Variants in PPIF observed in about 807,000 individuals in gnomAD.
PPIF encodes peptidyl-prolyl cis-trans isomerase F, mitochondrial.
Under a neutral mutation model 20.2 loss-of-function variants are expected in PPIF, and 23 were observed. The ratio of observed to expected loss-of-function variants is 1.14; its 90% CI spans 0.82 to 1.61. The LOEUF is 1.61. Among genes scored for constraint, PPIF ranks in the 40% most tolerant of loss-of-function variants. PPIF has a pLI of 0.00. For synonymous variants in PPIF, 113 were observed against 123.1 expected, an observed-to-expected ratio of 0.92 and a Z score of 0.54; for missense variants, 287 against 291.6, an observed-to-expected ratio of 0.98 and a Z score of 0.11.
chr10:79,349,046 T>C (rs1855940930), intron 1 of PPIF, 30 bp from the exon 2 acceptor site: 1 of 1,613,656 alleles, frequency 6.2e-7, no homozygotes. Flanking sequence ...CCAATGACCA[T>C]CCTCTTTTGT....
In PPIF at chr10:79,353,959, G is replaced by A. The variant is rs1856016523; in HGVS notation, c.*117G>A. Reference sequence around the variant, plus strand: ...TACGTGTGCCCACTCCACTGTCACAGTGTGCCTGAGGAAGGCTGCTAGGGA... The same window carrying A: ...TACGTGTGCCCACTCCACTGTCACAATGTGCCTGAGGAAGGCTGCTAGGGA... On this transcript the variant is annotated 3_prime_UTR_variant, in exon 6 of 6. Transcript: ENST00000225174. The A allele has an allele frequency of 2.5e-6, 3 of 1,193,104 alleles. No individual in the cohort carries two copies. The highest frequency in any genetic ancestry group is 1.5e-5 in the South Asian group (1 of 68,554). The allele number at this position is 1,193,104 out of a possible 1,614,324, so 73.9% of individuals were successfully genotyped here. A position where few individuals can be genotyped will look rare whatever the true frequency, so the allele number is the denominator to read the frequency against.
In PPIF at chr10:79,354,069, A is replaced by G. The variant is rs763133711; in HGVS notation, c.*227A>G. On this transcript the variant is annotated 3_prime_UTR_variant, in exon 6 of 6. Coordinates refer to ENST00000225174, the MANE Select transcript of PPIF (RefSeq NM_005729.4). ...CTCATTTCTGGGCATCTTTGTGGAC[A>G]TGATGTCACCCACCCCTTGTCAAGC... is the stretch of plus-strand genomic sequence containing the variant. 3 of 557,258 alleles carry G rather than the reference A, an allele frequency of 5.4e-6. No homozygotes were observed. Among genetic ancestry groups the G allele is most frequent in the Non-Finnish European group, 9.6e-6 (3 of 311,880 alleles). 34.5% of individuals were successfully genotyped at this position (557,258 alleles called of 1,614,324 possible).
At chr10:79,353,586 G>GGTGGT in intron 5 of PPIF, 121 bp from the exon 6 acceptor site, 4 of 1,554,180 alleles carry the variant, frequency 2.6e-6, no homozygotes, top group East Asian at 4.5e-5. Context: ...GGTAGATCTA[G>GGTGGT]CTATTCCATG....
At chr10:79,353,594 A>G (rs2233722) in intron 5 of PPIF, 113 bp from the exon 6 acceptor site, 13 of 1,572,560 alleles carry the variant, frequency 8.3e-6, no homozygotes, top group East Asian at 4.5e-5. Flanking sequence ...TAGCTATTCC[A>G]TGGGGATTCT....
intron 1 of PPIF, 60 bp from the exon 2 acceptor site, chr10:79,349,016 A>G: frequency 6.2e-7 from 1 of 1,611,868 alleles, no homozygotes; most frequent in Non-Finnish European, 8.5e-7. Context: ...GCTGAGAGAC[A>G]CCCACCTTCA....
Position 79,347,497 on chromosome 10 carries a change from A to G in PPIF, c.-52A>G, listed in dbSNP as rs1371128881. ...CGGCCTTCTGGGCGCGCGCGACGTC[A>G]GTTTGAGTTCTGTGTTCTCCCCGCC... is the stretch of plus-strand genomic sequence containing the variant. On this transcript the variant is annotated 5_prime_UTR_variant, in exon 1 of 6. Coordinates refer to ENST00000225174, the MANE Select transcript of PPIF (RefSeq NM_005729.4). 16 of 1,255,220 alleles carry G rather than the reference A, an allele frequency of 1.3e-5. No individual in the cohort carries two copies. Among genetic ancestry groups the G allele is most frequent in the Admixed American group, 4.3e-5 (1 of 23,356 alleles). 77.8% of individuals were successfully genotyped at this position (1,255,220 alleles called of 1,614,324 possible).
rs1404865939 is a variant in PPIF, at chr10:79,351,600, T to A, written c.412+17T>A. ...TGGGGCCAGGTGAGTGGGGGCCTCC[T>A]CTAGGGTGAGTGTCCCCACAGCTCT... is the stretch of plus-strand genomic sequence containing the variant. On this transcript the variant is annotated intron_variant, in intron 4 of 5. Transcript: ENST00000225174. 1 of 1,608,692 alleles carries A rather than the reference T, an allele frequency of 6.2e-7. No homozygotes were observed. Among genetic ancestry groups the A allele is most frequent in the Admixed American group, 1.7e-5 (1 of 59,994 alleles).
intron 3 of PPIF, 181 bp downstream of exon 3, chr10:79,349,934 A>C (rs946130194): frequency 7.5e-7 from 1 of 1,334,988 alleles, no homozygotes; most frequent in Admixed American, 2.7e-5. Flanking sequence ...CCCAGCCCCA[A>C]CCCGCTGCCA....
chr10:79,352,622 C>T (rs1855998363), intron 5 of PPIF, among the ~76,000 whole-genome samples: 1 of 152,242 alleles, frequency 6.6e-6, no homozygotes, highest in Non-Finnish European at 1.5e-5. Flanking sequence ...TTGTTGCTGT[C>T]ACCTGGAATT....
rs781650997 is a variant in PPIF, at chr10:79,349,662, C to T, written c.227-3C>T. 348 of 1,613,102 alleles carry T rather than the reference C, an allele frequency of 2.2e-4. 2 individuals are homozygous for T. The highest frequency in any genetic ancestry group is 2.4e-4 in the Non-Finnish European group (286 of 1,179,996). ...TTGACCTGTGTTTCTCTTCGACCCT[C>T]AGAGAACTTCAGAGCCCTGTGCACT... On this transcript the variant is annotated splice_region_variant and splice_polypyrimidine_tract_variant and intron_variant, in intron 2 of 5. Transcript: ENST00000225174.
At chr10:79,350,341 G>A (rs977920399) in intron 3 of PPIF, among the ~76,000 whole-genome samples, 6 of 152,208 alleles carry the variant, frequency 3.9e-5, no homozygotes, top group African/African-American at 1.2e-4. Context: ...TGTGGGTCAG[G>A]ACCCAGGTGG....
At position 79,353,693 on chromosome 10, in the gene PPIF, A is replaced by AC. The variant is rs773208489; in HGVS notation, c.489-11dup. The AC allele has an allele frequency of 2.4e-5, 39 of 1,614,208 alleles. No individual in the cohort carries two copies. Among genetic ancestry groups the AC allele is most frequent in the Non-Finnish European group, 3.3e-5 (39 of 1,180,032 alleles). On this transcript the variant is annotated splice_polypyrimidine_tract_variant and intron_variant, in intron 5 of 5. Coordinates refer to ENST00000225174, the MANE Select transcript of PPIF (RefSeq NM_005729.4). ...CGCTACACTGTTGCTCACCCGGGTC[A>AC]CCCGTCCTCACAGGTTGGATGGCAA...
At chr10:79,349,266 C>T (rs1695318758) in intron 2 of PPIF, among the ~76,000 whole-genome samples, 160 bp downstream of exon 2, 1 of 152,210 alleles carries the variant, frequency 6.6e-6, no homozygotes, top group African/African-American at 2.4e-5. Flanking sequence ...GCAGCCCTGC[C>T]ATCCCTCTCT....
intron 3 of PPIF, among the ~76,000 whole-genome samples, 188 bp from the exon 4 acceptor site, chr10:79,351,299 G>A (rs1474883697): frequency 1.3e-5 from 2 of 149,008 alleles, no homozygotes. Context: ...AGATATTTAA[G>A]TTTTGTCTTT....
rs975049526 is a variant in PPIF, at chr10:79,347,474, G to A, written c.-75G>A. ...GCGGCGCGCGGCTGCGCGGGACTCG[G>A]CCTTCTGGGCGCGCGCGACGTCAGT... On this transcript the variant is annotated 5_prime_UTR_variant, in exon 1 of 6. Coordinates refer to ENST00000225174, the MANE Select transcript of PPIF (RefSeq NM_005729.4). 1.0e-4 allele frequency: 125 copies of A among 1,250,606 alleles called. No homozygotes were observed. The highest frequency in any genetic ancestry group is 1.2e-4 in the Non-Finnish European group (124 of 998,194). The allele number at this position is 1,250,606 out of a possible 1,614,324, so 77.5% of individuals were successfully genotyped here.
Position 79,347,508 on chromosome 10 carries a change from T to C in PPIF, c.-41T>C, listed in dbSNP as rs938549747. The C allele has an allele frequency of 7.8e-7, 1 of 1,275,348 alleles. No individual in the cohort carries two copies. Among genetic ancestry groups the C allele is most frequent in the Non-Finnish European group, 9.9e-7 (1 of 1,014,258 alleles). 79.0% of individuals were successfully genotyped at this position (1,275,348 alleles called of 1,614,324 possible). On this transcript the variant is annotated 5_prime_UTR_variant, in exon 1 of 6. Coordinates refer to ENST00000225174, the MANE Select transcript of PPIF (RefSeq NM_005729.4). ...GCGCGCGCGACGTCAGTTTGAGTTC[T>C]GTGTTCTCCCCGCCCGTGTCCCGCC...
At chr10:79,348,020 G>T (rs1216370374) in intron 1 of PPIF, among the ~76,000 whole-genome samples, 2 of 152,166 alleles carry the variant, frequency 1.3e-5, no homozygotes, top group Non-Finnish European at 2.9e-5. Flanking sequence ...CTCTGGGCCG[G>T]CCCGGGCACG....
intron 1 of PPIF, 116 bp from the exon 2 acceptor site, chr10:79,348,960 C>T (rs985064671): frequency 1.4e-5 from 23 of 1,606,586 alleles, no homozygotes; most frequent in South Asian, 4.4e-5. Flanking sequence ...GGAATGTCCA[C>T]GTGCTTCTTC....
chr10:79,349,663 A>T lies in PPIF; in HGVS notation c.227-2A>T, dbSNP rs1167757923. ...TGACCTGTGTTTCTCTTCGACCCTC[A>T]GAGAACTTCAGAGCCCTGTGCACTG... On this transcript the variant is annotated splice_acceptor_variant, in intron 2 of 5. Transcript: ENST00000225174. LOFTEE classifies it high-confidence loss of function. 4.3e-6 allele frequency: 7 copies of T among 1,613,142 alleles called. No individual in the cohort carries two copies. The Admixed American group carries it at 1.2e-4, about 27-fold the overall frequency.
Sources: gnomAD v4.1 joint callset for allele counts (sites outside exome capture counted in the v4.1 genomes callset) on GRCh38, gnomAD v4.1.1 for gene constraint, MANE v1.5 for transcripts, NCBI Gene and HGNC (gene_info 2026-07-23, HGNC 2026-07-21) for gene names.